Variants in ROBO2 observed in about 807,000 individuals in gnomAD.
The protein encoded by ROBO2 is roundabout homolog 2.
In ROBO2, 53 loss-of-function variants were observed where a neutral mutation model predicts 160.8. That is an observed-to-expected ratio of 0.33 (90% CI 0.26 to 0.41). ROBO2 has a LOEUF of 0.41. Ranked by LOEUF, ROBO2 falls within the 10% of genes least tolerant of loss-of-function variation. ROBO2 has a pLI of 1.00. For missense variants in ROBO2, 1,577 were observed against 1,722.4 expected, an observed-to-expected ratio of 0.92 and a Z score of 1.49; for synonymous variants, 664 against 611.7, an observed-to-expected ratio of 1.09 and a Z score of -1.26.
intron 2 of ROBO2, among the ~76,000 whole-genome samples, chr3:76,540,154 G>A (rs1274352922): frequency 1.3e-5 from 2 of 152,244 alleles, no homozygotes; most frequent in African/African-American, 4.8e-5. Context: ...AAACTCCAGT[G>A]AAATGTCAGG....
intron 5 of ROBO2, among the ~76,000 whole-genome samples, chr3:77,513,515 T>A (rs1231606067): frequency 6.6e-6 from 1 of 151,904 alleles, no homozygotes; most frequent in Non-Finnish European, 1.5e-5. Context: ...AGTGTAGTAC[T>A]TTTTTTCTTA....
At chr3:77,140,504 AT>A (rs1344598206) in intron 2 of ROBO2, among the ~76,000 whole-genome samples, 4 of 152,202 alleles carry the variant, frequency 2.6e-5, no homozygotes, top group African/African-American at 9.6e-5. Context: ...TATCCCTAGA[AT>A]CAGCATTCAA....
At chr3:77,330,995 T>C (rs1016697303) in intron 2 of ROBO2, among the ~76,000 whole-genome samples, 3 of 152,218 alleles carry the variant, frequency 2.0e-5, no homozygotes, top group African/African-American at 7.2e-5. Context: ...TGATGTAGAC[T>C]GTGTCACTCA....
chr3:76,403,650 T>A (rs969237709), intron 2 of ROBO2, among the ~76,000 whole-genome samples: 2 of 151,546 alleles, frequency 1.3e-5, no homozygotes, highest in African/African-American at 4.8e-5. Flanking sequence ...TTGAAGACAA[T>A]GATCATCATA....
At chr3:76,198,804 AGAAAT>A (rs765492603) in intron 2 of ROBO2, among the ~76,000 whole-genome samples, 35 of 152,286 alleles carry the variant, frequency 2.3e-4, no homozygotes, top group Non-Finnish European at 4.4e-4. Flanking sequence ...ATTGCCAATT[AGAAAT>A]TCTTTTAGTT....
intron 2 of ROBO2, among the ~76,000 whole-genome samples, chr3:76,092,163 C>T (rs1486972212): frequency 2.0e-5 from 3 of 152,092 alleles, no homozygotes; most frequent in African/African-American, 7.2e-5. Flanking sequence ...GGACGTTGCG[C>T]ATGTGTGGGG....
At chr3:76,386,683 G>A (rs1227903016) in intron 2 of ROBO2, among the ~76,000 whole-genome samples, 1 of 151,940 alleles carries the variant, frequency 6.6e-6, no homozygotes, top group East Asian at 1.9e-4. Context: ...CTGGGCTACG[G>A]TATCAAAAAA....
intron 2 of ROBO2, among the ~76,000 whole-genome samples, chr3:76,642,643 C>T (rs555355643): frequency 7.2e-5 from 11 of 151,958 alleles, no homozygotes; most frequent in South Asian, 4.2e-4. Flanking sequence ...TGAGCCACCG[C>T]GCCCAGCCTA....
chr3:77,107,152 GA>G (rs1377068840), intron 2 of ROBO2, among the ~76,000 whole-genome samples: 1 of 152,216 alleles, frequency 6.6e-6, no homozygotes, highest in African/African-American at 2.4e-5. Context: ...CTCACAAGGT[GA>G]AAGGCACTAA....
intron 2 of ROBO2, among the ~76,000 whole-genome samples, chr3:77,292,183 A>G (rs1292127775): frequency 1.1e-4 from 16 of 151,660 alleles, no homozygotes; most frequent in African/African-American, 3.9e-4. Flanking sequence ...ATCACGCCAG[A>G]CATAAAGTAA....
At chr3:76,525,322 G>A (rs1035646997) in intron 2 of ROBO2, among the ~76,000 whole-genome samples, 3 of 151,746 alleles carry the variant, frequency 2.0e-5, no homozygotes, top group South Asian at 4.2e-4. Flanking sequence ...GATCTTCTTG[G>A]TTTTATGTTT....
chr3:77,051,039 T>C (rs1400176770), intron 1 of ROBO2, among the ~76,000 whole-genome samples: 1 of 148,484 alleles, frequency 6.7e-6, no homozygotes, highest in African/African-American at 2.5e-5. Flanking sequence ...AAAAAATTCA[T>C]CAAATGGGCA....
chr3:77,334,870 T>G (rs2066330369), intron 2 of ROBO2, among the ~76,000 whole-genome samples: 1 of 152,186 alleles, frequency 6.6e-6, no homozygotes, highest in Non-Finnish European at 1.5e-5. Context: ...CTGTATTCCC[T>G]GCATAGTAGG....
At chr3:75,946,704 T>TA (rs1317273921) in intron 2 of ROBO2, among the ~76,000 whole-genome samples, 1 of 152,056 alleles carries the variant, frequency 6.6e-6, no homozygotes, top group East Asian at 1.9e-4. Flanking sequence ...TTCTGTAATT[T>TA]AAAAAGAGAG....
intron 2 of ROBO2, among the ~76,000 whole-genome samples, chr3:76,853,835 T>C (rs927044852): frequency 6.6e-5 from 10 of 152,122 alleles, no homozygotes; most frequent in African/African-American, 2.4e-4. Flanking sequence ...AAAATTTTAT[T>C]TTTTGTGTTT....
intron 2 of ROBO2, among the ~76,000 whole-genome samples, chr3:77,294,526 G>A (rs368033756): frequency 2.1e-5 from 3 of 146,218 alleles, no homozygotes; most frequent in East Asian, 2.0e-4. Context: ...ATGGTTAAAC[G>A]GGTAAACTGA....
chr3:76,251,413 A>G lies in ROBO2; in HGVS notation c.109+313811A>G, dbSNP rs552042510. On this transcript the variant is annotated intron_variant, in intron 2 of 26. Coordinates refer to the ROBO2 transcript ENST00000487694. ...AGGAAGAGGAGAAAAGAATACATTT[A>G]TGCTCTGGATGAAATTAATATAAAT... Among the ~76,000 whole-genome samples the G allele has an allele frequency of 2.0e-5, 3 of 152,194 alleles. No individual in the cohort carries two copies. In the South Asian group the frequency reaches 6.2e-4, roughly 32 times the overall value.
At chr3:76,400,679 TTA>T (rs2077761122) in intron 2 of ROBO2, among the ~76,000 whole-genome samples, 2 of 151,600 alleles carry the variant, frequency 1.3e-5, no homozygotes, top group Non-Finnish European at 3.0e-5. Flanking sequence ...ACAATATAAA[TTA>T]TGTTTTTTAA....
intron 2 of ROBO2, among the ~76,000 whole-genome samples, chr3:76,636,962 A>G (rs75987450): frequency 1.4e-5 from 2 of 142,112 alleles, no homozygotes; most frequent in Admixed American, 7.0e-5. Flanking sequence ...AACAATGGGG[A>G]AAACTGTGGC....
Sources: allele counts gnomAD v4.1 joint callset (sites outside exome capture counted in the v4.1 genomes callset), GRCh38; gene constraint gnomAD v4.1.1; transcripts MANE v1.5; gene names NCBI Gene and HGNC (gene_info 2026-07-23, HGNC 2026-07-21).